TNS3: variants seen among roughly 807,000 people sequenced by gnomAD.
TNS3 encodes the protein tensin-3.
A neutral mutation model predicts 140.9 loss-of-function variants in TNS3; 45 were observed. The observed-to-expected ratio is 0.32, with a 90% confidence interval of 0.25 to 0.41. TNS3 has a LOEUF of 0.41. Ranked by LOEUF, TNS3 falls within the 10% of genes least tolerant of loss-of-function variation. The pLI, the probability that TNS3 is intolerant of heterozygous loss-of-function variation, is 1.00. For missense variants in TNS3, 1,716 were observed against 1,906.7 expected (o/e 0.90, Z 1.86); for synonymous variants, 815 against 788.4 (o/e 1.03, Z -0.56).
chr7:47,405,684 C>T, intron 13 of TNS3: 1 of 673,478 alleles, frequency 1.5e-6, no homozygotes, highest in Non-Finnish European at 2.7e-6. Context: ...AAGGCAATCA[C>T]AAAATAATGC....
rs1284901634 is a variant in TNS3 at position 47,369,559 on chromosome 7, A to T, written c.1087T>A (p.Ser363Thr). Reference protein sequence around the residue: ...LYAKVRKKSSSDPGIPGGPQA... With the variant: ...LYAKVRKKSSTDPGIPGGPQA... ...GGGCCACCTGGGATGCCAGGATCCG[A>T]GGAGCTTTTCTTCCTCACCTTCGCG... The change falls in exon 17 of 31, where the codon TCG becomes ACG. Residue 363 changes from serine to threonine, a missense_variant. By Grantham distance (58) the Ser-to-Thr change is moderately conservative. Coordinates refer to ENST00000311160, the MANE Select transcript of TNS3 (RefSeq NM_022748.12). The T allele has an allele frequency of 6.2e-7, 1 of 1,611,750 alleles. No individual in the cohort carries two copies. Among genetic ancestry groups the T allele is most frequent in the Non-Finnish European group, 8.5e-7 (1 of 1,178,768 alleles).
Position 47,442,134 on chromosome 7 carries a change from A to G in TNS3, c.-75-79T>C, listed in dbSNP as rs1249155106. The G allele has an allele frequency of 3.2e-6, 3 of 925,812 alleles. No individual in the cohort carries two copies. In the African/African-American group the frequency reaches 5.2e-5, roughly 16 times the overall value. 57.3% of individuals were successfully genotyped at this position (925,812 alleles called of 1,614,324 possible). A position where few individuals can be genotyped will look rare whatever the true frequency, so the allele number is the denominator to read the frequency against. ...ATGACACAGACACCACTGAGAGGGA[A>G]CAATGACAGCCGTTCCACAGTTTAA... On this transcript the variant is annotated intron_variant, in intron 4 of 30. Transcript: ENST00000311160.
chr7:47,505,762 T>A (rs1798393258), intron 3 of TNS3, among the ~76,000 whole-genome samples: 1 of 152,236 alleles, frequency 6.6e-6, no homozygotes. Context: ...CACATATGCA[T>A]GTATGCGTGT....
chr7:47,501,251 G>A (rs1798214122), intron 3 of TNS3, among the ~76,000 whole-genome samples: 1 of 151,966 alleles, frequency 6.6e-6, no homozygotes, highest in Non-Finnish European at 1.5e-5. Context: ...AATTTATTAG[G>A]CCTTGTTACT....
chr7:47,405,621 T>C, intron 13 of TNS3: 2 of 702,754 alleles, frequency 2.8e-6, no homozygotes, highest in South Asian at 1.5e-5. Flanking sequence ...AAGTCCACTA[T>C]GCTGAGATGA....
rs1414919520 is a variant in TNS3, at chr7:47,276,309, T to C, written c.*1767A>G. ...TGGTCCACCTGCTTTCACACACGCA[T>C]ACACGCACGCATGCACACACGCACA... On this transcript the variant is annotated 3_prime_UTR_variant, in exon 31 of 31. Transcript: ENST00000311160. The C allele has an allele frequency of 4.1e-5, 7 of 172,632 alleles. No homozygotes were observed. Among genetic ancestry groups the C allele is most frequent in the Admixed American group, 1.8e-4 (3 of 16,894 alleles). 10.7% of individuals were successfully genotyped at this position (172,632 alleles called of 1,614,324 possible). A position where few individuals can be genotyped will look rare whatever the true frequency, so the allele number is the denominator to read the frequency against.
intron 10 of TNS3, among the ~76,000 whole-genome samples, chr7:47,422,599 C>T (rs1794429829): frequency 6.7e-6 from 1 of 150,084 alleles, no homozygotes; most frequent in Admixed American, 6.7e-5. Context: ...GGTGACAGAG[C>T]AACACTCTGT....
chr7:47,462,691 G>A (rs1197574768), intron 4 of TNS3, among the ~76,000 whole-genome samples: 1 of 152,092 alleles, frequency 6.6e-6, no homozygotes, highest in Non-Finnish European at 1.5e-5. Flanking sequence ...TTGCAGCAAG[G>A]GGAGTGCTAG....
chr7:47,315,724 G>C (rs1303498824), intron 20 of TNS3, among the ~76,000 whole-genome samples: 1 of 152,160 alleles, frequency 6.6e-6, no homozygotes, highest in Non-Finnish European at 1.5e-5. Context: ...ACATTCATGA[G>C]GGATCCAAAC....
At chr7:47,287,027 C>T (rs1285358953) in intron 27 of TNS3, among the ~76,000 whole-genome samples, 1 of 151,944 alleles carries the variant, frequency 6.6e-6, no homozygotes, top group East Asian at 1.9e-4. Flanking sequence ...TGCATAGGGG[C>T]AACCGATCTA....
intron 17 of TNS3, among the ~76,000 whole-genome samples, chr7:47,354,663 C>T (rs1161015166): frequency 6.6e-6 from 1 of 151,912 alleles, no homozygotes; most frequent in Non-Finnish European, 1.5e-5. Context: ...GTACTCAGTG[C>T]AGAAATCTCA....
intron 4 of TNS3, among the ~76,000 whole-genome samples, 165 bp from the exon 5 acceptor site, chr7:47,442,220 C>A (rs1795501263): frequency 6.6e-6 from 1 of 152,202 alleles, no homozygotes; most frequent in Admixed American, 6.5e-5. Flanking sequence ...AGGGTCTACA[C>A]CATGTTGTGT....
chr7:47,304,173 A>G (rs959172919), intron 21 of TNS3, among the ~76,000 whole-genome samples: 1 of 152,180 alleles, frequency 6.6e-6, no homozygotes, highest in Non-Finnish European at 1.5e-5. Flanking sequence ...TCAGTCCTCA[A>G]TCCATGCTTG....
chr7:47,461,874 G>GAGGAT (rs1166999670), intron 4 of TNS3, among the ~76,000 whole-genome samples: 1 of 152,226 alleles, frequency 6.6e-6, no homozygotes, highest in Non-Finnish European at 1.5e-5. Flanking sequence ...GCAGAGTCCA[G>GAGGAT]AGGATTTCTA....
At chr7:47,482,249 C>G (rs1051290777) in intron 3 of TNS3, among the ~76,000 whole-genome samples, 1 of 152,260 alleles carries the variant, frequency 6.6e-6, no homozygotes, top group African/African-American at 2.4e-5. Flanking sequence ...GAGTGGGCGG[C>G]GGCGTAATCT....
intron 4 of TNS3, among the ~76,000 whole-genome samples, chr7:47,455,531 T>C (rs1796211378): frequency 2.0e-5 from 3 of 152,042 alleles, no homozygotes; most frequent in Non-Finnish European, 4.4e-5. Context: ...TATCCACAAA[T>C]GCAAACAAGT....
chr7:47,546,527 C>T (rs141340812), intron 1 of TNS3, among the ~76,000 whole-genome samples: 164 of 152,338 alleles, frequency 1.1e-3, no homozygotes, highest in African/African-American at 3.8e-3. Flanking sequence ...GCAATTTCTA[C>T]ACATCTGTTT....
intron 20 of TNS3, among the ~76,000 whole-genome samples, chr7:47,329,507 C>T (rs912458544): frequency 3.9e-5 from 6 of 152,186 alleles, no homozygotes; most frequent in Admixed American, 1.3e-4. Flanking sequence ...AAGAGGGACA[C>T]GGCTTGCCTG....
chr7:47,344,795 G>T lies in TNS3; in HGVS notation c.2610C>A (p.Pro870=). ...LRHPPFSPPE[P]PLSSPASQHK... ...GCTGACTGGCTGGGCTGCTCAGCGGGGGCTCAGGTGGGCTGAACGGAGGAT... is the reference window on the plus strand; with the variant it reads ...GCTGACTGGCTGGGCTGCTCAGCGGTGGCTCAGGTGGGCTGAACGGAGGAT... The change falls in exon 20 of 31, where the codon CCC becomes CCA. Residue 870 remains proline, a synonymous_variant. Transcript: ENST00000311160. The T allele has an allele frequency of 6.2e-7, 1 of 1,613,382 alleles. No individual in the cohort carries two copies. The highest frequency in any genetic ancestry group is 1.1e-5 in the South Asian group (1 of 91,050).
Sources: gnomAD v4.1 joint callset for allele counts (sites outside exome capture counted in the v4.1 genomes callset) on GRCh38, gnomAD v4.1.1 for gene constraint, MANE v1.5 for transcripts, NCBI Gene and HGNC (gene_info 2026-07-23, HGNC 2026-07-21) for gene names.